BICC1: variants seen among roughly 807,000 people sequenced by gnomAD.
BICC1 encodes the protein BicC family RNA binding protein 1, also known as protein bicaudal C homolog 1.
Under a neutral mutation model 111.0 loss-of-function variants are expected in BICC1, and 43 were observed. The observed-to-expected ratio is 0.39, with a 90% CI of 0.30 to 0.50. The LOEUF (loss-of-function observed/expected upper bound fraction) is 0.50. Ranked by LOEUF, BICC1 falls within the 20% of genes least tolerant of loss-of-function variation. BICC1 has a pLI of 0.88. For missense variants in BICC1, 1,091 were observed against 1,203.2 expected (o/e 0.91, Z 1.38); for synonymous variants, 467 against 434.4 (o/e 1.07, Z -0.93).
At chr10:58,755,220 A>C (rs1050375111) in intron 3 of BICC1, among the ~76,000 whole-genome samples, 6 of 152,142 alleles carry the variant, frequency 3.9e-5, no homozygotes, top group Non-Finnish European at 7.3e-5. Context: ...ATTTAGTCTT[A>C]AGAACTTGGT....
chr10:58,737,396 G>C (rs1183218609), intron 3 of BICC1, among the ~76,000 whole-genome samples: 1 of 152,134 alleles, frequency 6.6e-6, no homozygotes, highest in Non-Finnish European at 1.5e-5. Context: ...ATGGTTTCCA[G>C]CTTCATCCAT....
Position 58,513,118 on chromosome 10 carries a change from G to A in BICC1, c.-26G>A. 3 of 1,384,862 alleles carry A rather than the reference G, an allele frequency of 2.2e-6. No homozygotes were observed. Among genetic ancestry groups the A allele is most frequent in the Non-Finnish European group, 2.8e-6 (3 of 1,072,876 alleles). The allele number at this position is 1,384,862 out of a possible 1,614,324, so 85.8% of individuals were successfully genotyped here. ...GCGCAGGCAGAGCGGCGGCGGCAGC[G>A]GGAGCCCGAGCGCTGCGCGCCCACC... On this transcript the variant is annotated 5_prime_UTR_variant, in exon 1 of 21. Transcript: ENST00000373886.
At position 58,717,626 on chromosome 10, in the gene BICC1, G is replaced by T. The variant is rs114448258; in HGVS notation, c.307+15483G>T. On this transcript the variant is annotated intron_variant, in intron 3 of 20. Coordinates refer to ENST00000373886, the MANE Select transcript of BICC1 (RefSeq NM_001080512.3). ...TGAAATACCATTGCATGTATATGTAGGATATGGCTATAATATACATTTCAA... is the reference window on the plus strand; with the variant it reads ...TGAAATACCATTGCATGTATATGTATGATATGGCTATAATATACATTTCAA... Among the ~76,000 whole-genome samples the T allele has an allele frequency of 1.5e-3, 222 of 152,194 alleles. 1 individual carries two copies. Among genetic ancestry groups the T allele is most frequent in the African/African-American group, 5.1e-3 (211 of 41,518 alleles).
chr10:58,587,995 TGAA>T (rs1211061251), intron 1 of BICC1, among the ~76,000 whole-genome samples: 18 of 152,216 alleles, frequency 1.2e-4, no homozygotes, highest in Non-Finnish European at 2.4e-4. Flanking sequence ...TTTAGATTGT[TGAA>T]GAAGATATCT....
intron 3 of BICC1, among the ~76,000 whole-genome samples, chr10:58,781,305 C>G (rs570933648): frequency 5.9e-5 from 9 of 152,260 alleles, no homozygotes; most frequent in African/African-American, 1.9e-4. Flanking sequence ...CTTCCATCTC[C>G]TCTCTCTGTA....
chr10:58,566,785 C>T (rs1224456667), intron 1 of BICC1, among the ~76,000 whole-genome samples: 1 of 152,000 alleles, frequency 6.6e-6, no homozygotes, highest in Non-Finnish European at 1.5e-5. Flanking sequence ...TATGTTTGTA[C>T]CCCTTATCTT....
intron 3 of BICC1, among the ~76,000 whole-genome samples, chr10:58,755,605 T>C (rs1842122130): frequency 6.6e-6 from 1 of 152,176 alleles, no homozygotes; most frequent in Non-Finnish European, 1.5e-5. Flanking sequence ...CAGTTCTAAA[T>C]GGACACATGA....
rs999531059 is a variant in BICC1, at chr10:58,829,565, A to G, written c.*674A>G. 4.7e-5 allele frequency: 7 copies of G among 150,064 alleles called. No individual in the cohort carries two copies. The highest frequency in any genetic ancestry group is 1.7e-4 in the African/African-American group (7 of 41,276). 9.3% of individuals were successfully genotyped at this position (150,064 alleles called of 1,614,324 possible). On this transcript the variant is annotated 3_prime_UTR_variant, in exon 21 of 21. Coordinates refer to ENST00000373886, the MANE Select transcript of BICC1 (RefSeq NM_001080512.3). ...ATATTCTGTGATTTTGGGAAATGTA[A>G]GTGAGTCCACTTGCTTCTGGACCAA... is the stretch of plus-strand genomic sequence containing the variant.
chr10:58,619,526 G>A (rs1251482926), intron 1 of BICC1, among the ~76,000 whole-genome samples: 3 of 147,464 alleles, frequency 2.0e-5, no homozygotes, highest in African/African-American at 5.0e-5. Context: ...CCAGGCTGGA[G>A]TGCAGTGGTG....
intron 3 of BICC1, among the ~76,000 whole-genome samples, chr10:58,710,779 G>A (rs1392823377): frequency 3.9e-5 from 6 of 152,226 alleles, no homozygotes; most frequent in African/African-American, 9.6e-5. Flanking sequence ...TGAAATCTTC[G>A]AAAGTACTGT....
At chr10:58,672,716 A>G (rs140917480) in intron 2 of BICC1, among the ~76,000 whole-genome samples, 1,808 of 152,232 alleles carry the variant, frequency 0.012, 39 homozygotes, top group African/African-American at 0.04. Flanking sequence ...TCTCACACTC[A>G]CCTTGTTTTA....
chr10:58,587,441 ATACACT>A (rs1411157464), intron 1 of BICC1, among the ~76,000 whole-genome samples: 5 of 152,220 alleles, frequency 3.3e-5, no homozygotes, highest in Non-Finnish European at 7.3e-5. Flanking sequence ...AAGTCAGTAC[ATACACT>A]TACAGATATT....
At chr10:58,750,775 G>A (rs1841968160) in intron 3 of BICC1, among the ~76,000 whole-genome samples, 1 of 152,122 alleles carries the variant, frequency 6.6e-6, no homozygotes, top group South Asian at 2.1e-4. Flanking sequence ...CCATTTTCAA[G>A]TGAAAAGCTT....
At chr10:58,664,281 ATTG>A (rs1838939453) in intron 2 of BICC1, among the ~76,000 whole-genome samples, 1 of 152,064 alleles carries the variant, frequency 6.6e-6, no homozygotes, top group Non-Finnish European at 1.5e-5. Flanking sequence ...GTAGTTTCTG[ATTG>A]TGGACTTATT....
intron 2 of BICC1, among the ~76,000 whole-genome samples, chr10:58,651,812 T>A (rs1260510877): frequency 6.6e-6 from 1 of 152,182 alleles, no homozygotes; most frequent in Non-Finnish European, 1.5e-5. Context: ...TTATAGTGGA[T>A]GACTGAAATC....
At chr10:58,655,299 T>G (rs1185025527) in intron 2 of BICC1, among the ~76,000 whole-genome samples, 3 of 141,194 alleles carry the variant, frequency 2.1e-5, no homozygotes, top group South Asian at 5.0e-4. Flanking sequence ...ACGATATTGA[T>G]TCTTCCTACC....
At chr10:58,636,433 T>G (rs1837955531) in intron 2 of BICC1, among the ~76,000 whole-genome samples, 1 of 152,188 alleles carries the variant, frequency 6.6e-6, no homozygotes, top group Admixed American at 6.5e-5. Flanking sequence ...CCCATCCTCC[T>G]GCCTCCCCAC....
intron 1 of BICC1, among the ~76,000 whole-genome samples, chr10:58,590,837 A>C (rs1045647081): frequency 6.6e-6 from 1 of 152,236 alleles, no homozygotes; most frequent in African/African-American, 2.4e-5. Context: ...AAATAAAATA[A>C]GATTGTGCAG....
rs1164514963 is a variant in BICC1, at chr10:58,799,199, A to C, written c.1672A>C (p.Ser558Arg). 1.9e-6 allele frequency: 3 copies of C among 1,613,482 alleles called. No homozygotes were observed. Among genetic ancestry groups the C allele is most frequent in the Non-Finnish European group, 2.5e-6 (3 of 1,179,800 alleles). ...GLTPVDVHIN[S>R]MQTEGKKISA... ...GACTCCTGTTGATGTCCATATCAAC[A>C]GTATGCAGACCGAAGGCAAAAAAAT... is the stretch of plus-strand genomic sequence containing the variant. Residue 558 changes from serine to arginine, a missense_variant, in exon 12 of 21, where the codon AGT (serine) becomes CGT (arginine). By Grantham distance (110) the Ser-to-Arg change is moderately radical. This residue lies in a region of BICC1 where 843 missense variants were observed against 900.8 expected (regional missense o/e 0.94). Coordinates refer to ENST00000373886, the MANE Select transcript of BICC1 (RefSeq NM_001080512.3).
Sources: allele counts gnomAD v4.1 joint callset (sites outside exome capture counted in the v4.1 genomes callset), GRCh38; gene constraint gnomAD v4.1.1; regional missense constraint gnomAD v4.1.1; transcripts MANE v1.5; gene names NCBI Gene and HGNC (gene_info 2026-07-23, HGNC 2026-07-21).